CEP85L: variants seen among roughly 807,000 people sequenced by gnomAD.
CEP85L encodes centrosomal protein 85L.
A neutral mutation model predicts 100.3 loss-of-function variants in CEP85L; 60 were observed. The observed-to-expected ratio is 0.60, with a 90% CI of 0.49 to 0.74. CEP85L has a LOEUF of 0.74. CEP85L is among the 30% of genes least tolerant of loss of function. The pLI, the probability that CEP85L is intolerant of heterozygous loss-of-function variation, is 0.00. For synonymous variants in CEP85L, 319 were observed against 322.7 expected (o/e 0.99, Z 0.12); for missense variants, 973 against 936.2 (o/e 1.04, Z -0.51).
At chr6:118,694,200 C>G (rs908244512) in intron 1 of CEP85L, among the ~76,000 whole-genome samples, 1 of 152,120 alleles carries the variant, frequency 6.6e-6, no homozygotes, top group Non-Finnish European at 1.5e-5. Flanking sequence ...CCAAGAGAAA[C>G]CAAAATGTAA....
intron 3 of CEP85L, chr6:118,537,918 A>G (rs1322269194): frequency 1.0e-6 from 1 of 984,070 alleles, no homozygotes; most frequent in East Asian, 1.1e-4. Context: ...ATACTCTACA[A>G]GTGTTTTCTG....
chr6:118,583,387 T>G (rs781712863), intron 2 of CEP85L, among the ~76,000 whole-genome samples: 1 of 152,106 alleles, frequency 6.6e-6, no homozygotes, highest in Non-Finnish European at 1.5e-5. Flanking sequence ...CACGAAAAAC[T>G]CTAACCCAAT....
chr6:118,638,203 G>A (rs114192410), intron 1 of CEP85L, among the ~76,000 whole-genome samples: 1,582 of 148,762 alleles, frequency 0.011, 20 homozygotes, highest in Middle Eastern at 0.044. Context: ...TAGTGAGACC[G>A]TCTCAAAAAA....
chr6:118,559,261 T>G, intron 3 of CEP85L: 2 of 639,616 alleles, frequency 3.1e-6, no homozygotes, highest in Non-Finnish European at 5.7e-6. Context: ...TGTTGGATCT[T>G]GTAAACATGA....
intron 1 of CEP85L, among the ~76,000 whole-genome samples, chr6:118,632,895 T>G (rs1246953610): frequency 6.6e-6 from 1 of 152,256 alleles, no homozygotes; most frequent in African/African-American, 2.4e-5. Flanking sequence ...ATGTTGGAAC[T>G]ATCCACTTAT....
chr6:118,579,777 C>A (rs11968176), intron 2 of CEP85L, among the ~76,000 whole-genome samples: 53,573 of 152,098 alleles, frequency 0.35, 10,466 homozygotes, highest in Non-Finnish European at 0.46. Flanking sequence ...TGGCAAGTTT[C>A]TTTTCTTTTA....
chr6:118,500,282 G>A (rs563922468), intron 5 of CEP85L, among the ~76,000 whole-genome samples: 1 of 152,208 alleles, frequency 6.6e-6, no homozygotes, highest in East Asian at 1.9e-4. Context: ...AATGCCAAAG[G>A]GACCGTGACC....
At position 118,668,821 on chromosome 6, in the gene CEP85L, C is replaced by T. The variant is rs1430599031; in HGVS notation, c.-27-16013G>A. Among the ~76,000 whole-genome samples, 5 of 152,110 alleles carry T rather than the reference C, an allele frequency of 3.3e-5. 1 individual carries two copies. Among genetic ancestry groups the T allele is most frequent in the African/African-American group, 1.2e-4 (5 of 41,424 alleles). On this transcript the variant is annotated intron_variant, in intron 1 of 13. Transcript: ENST00000368488. ...TTAAAGCTATATATCTAAATTATTGCTCTTTGTTTTCATGTTGAATGGCTG... is the reference window on the plus strand; with the variant it reads ...TTAAAGCTATATATCTAAATTATTGTTCTTTGTTTTCATGTTGAATGGCTG...
At chr6:118,662,219 TAAC>T (rs1775995652) in intron 1 of CEP85L, among the ~76,000 whole-genome samples, 1 of 152,124 alleles carries the variant, frequency 6.6e-6, no homozygotes, top group African/African-American at 2.4e-5. Flanking sequence ...TTCATCTTCA[TAAC>T]AACATGATAA....
upstream of CEP85L, chr6:118,651,953 G>C: frequency 1.0e-6 from 1 of 983,132 alleles, no homozygotes; most frequent in Non-Finnish European, 1.2e-6. Context: ...CGCTCGAGAT[G>C]AAAAAGCCAA....
At chr6:118,696,865 T>A (rs1238659181) in intron 1 of CEP85L, among the ~76,000 whole-genome samples, 5 of 152,200 alleles carry the variant, frequency 3.3e-5, no homozygotes, top group Non-Finnish European at 5.9e-5. Flanking sequence ...ATCCAGGTCC[T>A]TCCCATCTTT....
intron 3 of CEP85L, among the ~76,000 whole-genome samples, chr6:118,526,650 G>C (rs1776980149): frequency 6.6e-6 from 1 of 152,140 alleles, no homozygotes; most frequent in South Asian, 2.1e-4. Context: ...AAATAGGATG[G>C]GGTAAAAAAG....
At chr6:118,709,532 C>CATGTGTGTGTGTGTGTGTGTGTGTGTGT (rs6149776) in intron 1 of CEP85L, among the ~76,000 whole-genome samples, 1 of 87,158 alleles carries the variant, frequency 1.1e-5, no homozygotes, top group African/African-American at 4.3e-5. Context: ...CAACAATTGG[C>CATGTGTGTGTGTGTGTGTGTGTGTGTGT]GTGTGTGTGT....
intron 4 of CEP85L, among the ~76,000 whole-genome samples, chr6:118,519,539 CGTGTGTGTGTGTGTGTGTGT>C (rs71543242): frequency 1.2e-4 from 1 of 8,462 alleles, no homozygotes; most frequent in African/African-American, 4.7e-4. Flanking sequence ...ACTCCGTGTA[CGTGTGTGTGTGTGTGTGTGT>C]GTGTGTGTGT....
intron 5 of CEP85L, among the ~76,000 whole-genome samples, chr6:118,506,084 A>G (rs62424198): frequency 0.17 from 25,220 of 152,080 alleles, 2,210 homozygotes; most frequent in Non-Finnish European, 0.19. Context: ...TAAAAAGTTA[A>G]CACAGGTGCT....
intron 1 of CEP85L, among the ~76,000 whole-genome samples, chr6:118,695,832 G>C (rs1777189416): frequency 6.6e-6 from 1 of 152,180 alleles, no homozygotes; most frequent in Non-Finnish European, 1.5e-5. Flanking sequence ...ATCTGAACTG[G>C]GGTGCTTTTG....
chr6:118,472,856 A>G (rs185213033), intron 10 of CEP85L, among the ~76,000 whole-genome samples: 7 of 152,224 alleles, frequency 4.6e-5, no homozygotes. Flanking sequence ...CTGCCAAGGT[A>G]CTAACCTACA....
intron 3 of CEP85L, among the ~76,000 whole-genome samples, chr6:118,550,630 CAG>C (rs1353907376): frequency 3.9e-5 from 6 of 151,922 alleles, no homozygotes; most frequent in African/African-American, 1.4e-4. Context: ...ACTAAGAAAA[CAG>C]GGAAACCTTG....
rs182105597 is a variant in CEP85L, at chr6:118,618,586, T to C, written c.232+13867A>G. ...GGGTACGGCCCTTAGAGCAGTTGAA[T>C]TGCTTTTTCAACCATTCAATCATGG... On this transcript the variant is annotated intron_variant, in intron 2 of 12. Coordinates refer to ENST00000368491, the MANE Select transcript of CEP85L (RefSeq NM_001042475.3). Among the ~76,000 whole-genome samples the C allele has an allele frequency of 6.6e-5, 10 of 152,286 alleles. No individual in the cohort carries two copies. In the East Asian group the frequency reaches 9.7e-4, roughly 15 times the overall value.
Sources: allele counts gnomAD v4.1 joint callset (sites outside exome capture counted in the v4.1 genomes callset), GRCh38; gene constraint gnomAD v4.1.1; transcripts MANE v1.5; gene names NCBI Gene and HGNC (gene_info 2026-07-23, HGNC 2026-07-21).